FRAS1: variants seen among roughly 807,000 people sequenced by gnomAD.
The protein encoded by FRAS1 is Fraser extracellular matrix complex subunit 1, also known as extracellular matrix organizing protein FRAS1.
Under a neutral mutation model 435.2 loss-of-function variants are expected in FRAS1, and 290 were observed. The observed-to-expected ratio is 0.67, with a 90% CI of 0.61 to 0.73. The LOEUF (loss-of-function observed/expected upper bound fraction) is 0.73. FRAS1 is among the 30% of genes least tolerant of loss of function. FRAS1 has a pLI of 0.00. For synonymous variants in FRAS1, 1,800 were observed against 1,851.0 expected (o/e 0.97, Z 0.71); for missense variants, 4,860 against 5,001.5 (o/e 0.97, Z 0.85).
At chr4:78,115,890 CT>C (rs2109951201) in intron 2 of FRAS1, among the ~76,000 whole-genome samples, 1 of 151,898 alleles carries the variant, frequency 6.6e-6, no homozygotes, top group Admixed American at 6.6e-5. Flanking sequence ...TGTATTTTCT[CT>C]TGCTTCTCTA....
rs371853186 is a variant in FRAS1, at chr4:78,245,608, A to G, written c.309+283A>G. On this transcript the variant is annotated intron_variant, in intron 4 of 73. Transcript: ENST00000512123. ...AAGTACCTCCCTCCTTTTATGTACT[A>G]CATACATTTTAAATTTGATAGTTAC... Among the ~76,000 whole-genome samples the G allele has an allele frequency of 9.8e-5, 15 of 152,348 alleles. 2 individuals are homozygous for G. The highest frequency in any genetic ancestry group is 2.9e-4 in the African/African-American group (12 of 41,592).
At chr4:78,195,789 A>G (rs1376082968) in intron 2 of FRAS1, among the ~76,000 whole-genome samples, 2 of 151,826 alleles carry the variant, frequency 1.3e-5, no homozygotes, top group Non-Finnish European at 2.9e-5. Flanking sequence ...TCCTGCACCC[A>G]CTTTCTGACA....
rs747174332 is a variant in FRAS1, at chr4:78,530,482, A to G, written c.10925+3825A>G. Among the ~76,000 whole-genome samples, 52 of 152,180 alleles carry G rather than the reference A, an allele frequency of 3.4e-4. 1 individual carries two copies. The highest frequency in any genetic ancestry group is 1.9e-3 in the Admixed American group (29 of 15,270). On this transcript the variant is annotated intron_variant, in intron 70 of 73. Transcript: ENST00000512123. ...TGGATGCGATAGAACTACAACACACATACAAAATCAAGACTGATACAGGGA... is the reference window on the plus strand; with the variant it reads ...TGGATGCGATAGAACTACAACACACGTACAAAATCAAGACTGATACAGGGA...
chr4:78,278,241 A>G (rs1339459533), intron 9 of FRAS1, among the ~76,000 whole-genome samples: 1 of 152,232 alleles, frequency 6.6e-6, no homozygotes, highest in Non-Finnish European at 1.5e-5. Flanking sequence ...CTGATTTTGT[A>G]TTCAGGGAAA....
intron 2 of FRAS1, among the ~76,000 whole-genome samples, chr4:78,124,806 G>T (rs1271576218): frequency 1.3e-5 from 2 of 151,922 alleles, no homozygotes; most frequent in Non-Finnish European, 2.9e-5. Flanking sequence ...TATTTCTGTG[G>T]GATCGGTGGT....
At position 78,542,995 on chromosome 4, in the gene FRAS1, G is replaced by A; in HGVS notation, c.*1871G>A. On this transcript the variant is annotated 3_prime_UTR_variant, in exon 74 of 74. Transcript: ENST00000512123. ...AAAATGTATCATCAGCAGGAGATGA[G>A]ACTATGAATTGGCATCCAGAACAGG... The A allele has an allele frequency of 6.6e-6, 1 of 152,224 alleles. No homozygotes were observed. The allele number at this position is 152,224 out of a possible 1,614,324, so 9.4% of individuals were successfully genotyped here.
At chr4:78,066,676 A>G (rs2109850730) in intron 2 of FRAS1, among the ~76,000 whole-genome samples, 1 of 152,334 alleles carries the variant, frequency 6.6e-6, no homozygotes, top group East Asian at 1.9e-4. Context: ...AAATGGTGTG[A>G]CAAATCATTC....
intron 41 of FRAS1, among the ~76,000 whole-genome samples, chr4:78,441,795 C>G (rs1182073552): frequency 6.6e-6 from 1 of 152,170 alleles, no homozygotes; most frequent in Non-Finnish European, 1.5e-5. Context: ...TGTCTCAGCT[C>G]CTTCTACATA....
intron 36 of FRAS1, among the ~76,000 whole-genome samples, chr4:78,429,508 A>G (rs1734129129): frequency 6.6e-6 from 1 of 152,074 alleles, no homozygotes; most frequent in Non-Finnish European, 1.5e-5. Context: ...AAAGTAATAG[A>G]GCGGCGAGAA....
intron 2 of FRAS1, among the ~76,000 whole-genome samples, chr4:78,142,795 T>C (rs1363827479): frequency 6.6e-6 from 1 of 152,146 alleles, no homozygotes; most frequent in African/African-American, 2.4e-5. Flanking sequence ...AGTAAAAATA[T>C]GAATTTAGAT....
chr4:78,214,273 A>G (rs1196793085), intron 2 of FRAS1, among the ~76,000 whole-genome samples: 2 of 152,210 alleles, frequency 1.3e-5, no homozygotes, highest in African/African-American at 4.8e-5. Flanking sequence ...ACTTGATAGT[A>G]TGTGGTTGGA....
chr4:78,482,492 A>C lies in FRAS1; in HGVS notation c.8709A>C (p.Lys2903Asn), dbSNP rs767433020. 6.2e-7 allele frequency: 1 copy of C among 1,613,612 alleles called. No homozygotes were observed. Among genetic ancestry groups the C allele is most frequent in the Non-Finnish European group, 8.5e-7 (1 of 1,179,798 alleles). ...LSSAQGAELT[K>N]PFQAVIAIND... ...CAGCACAAGGAGCCGAACTGACCAA[A>C]CCCTTCCAGGCAGTCATTGCAATTA... Residue 2903 changes from lysine to asparagine, a missense_variant, in exon 58 of 74, where the codon AAA becomes AAC. Lys to Asn is a moderately conservative substitution (Grantham distance 94). Transcript: ENST00000512123.
chr4:78,235,253 C>T (rs1578199522), intron 2 of FRAS1, among the ~76,000 whole-genome samples: 1 of 152,278 alleles, frequency 6.6e-6, no homozygotes, highest in Admixed American at 6.5e-5. Flanking sequence ...TAGTGTTTGA[C>T]CAAACAAGTG....
At chr4:78,295,937 G>A (rs938577125) in intron 14 of FRAS1, among the ~76,000 whole-genome samples, 2 of 151,848 alleles carry the variant, frequency 1.3e-5, no homozygotes, top group Non-Finnish European at 2.9e-5. Context: ...ATTTTTAGTA[G>A]AGACAGGATT....
At chr4:78,489,741 C>T (rs957972698) in intron 59 of FRAS1, among the ~76,000 whole-genome samples, 1 of 152,032 alleles carries the variant, frequency 6.6e-6, no homozygotes, top group Non-Finnish European at 1.5e-5. Flanking sequence ...TTATTACCAC[C>T]TCTTAATCTC....
intron 27 of FRAS1, among the ~76,000 whole-genome samples, 196 bp from the exon 28 acceptor site, chr4:78,383,863 C>T (rs1276798885): frequency 6.6e-6 from 1 of 152,106 alleles, no homozygotes; most frequent in Non-Finnish European, 1.5e-5. Context: ...TAAGAACACA[C>T]AGTATTTTTA....
chr4:78,063,839 T>C (rs1366821629), intron 1 of FRAS1, among the ~76,000 whole-genome samples: 1 of 152,200 alleles, frequency 6.6e-6, no homozygotes, highest in East Asian at 1.9e-4. Flanking sequence ...ATTTTGTTTG[T>C]GTTTTTTCTA....
chr4:78,270,757 T>C, intron 9 of FRAS1, among the ~76,000 whole-genome samples: 1 of 152,100 alleles, frequency 6.6e-6, no homozygotes, highest in Non-Finnish European at 1.5e-5. Context: ...TTTTATATGC[T>C]TTGAAAGCCA....
intron 9 of FRAS1, among the ~76,000 whole-genome samples, chr4:78,270,024 G>A (rs1034279821): frequency 3.3e-5 from 5 of 152,124 alleles, no homozygotes; most frequent in Non-Finnish European, 5.9e-5. Context: ...GTGGGGAAAG[G>A]GTAGAGATTC....
Sources: allele counts gnomAD v4.1 joint callset (sites outside exome capture counted in the v4.1 genomes callset), GRCh38; gene constraint gnomAD v4.1.1; transcripts MANE v1.5; gene names NCBI Gene and HGNC (gene_info 2026-07-23, HGNC 2026-07-21).